PPCDC: variants seen among roughly 807,000 people sequenced by gnomAD.
PPCDC encodes the protein phosphopantothenoylcysteine decarboxylase.
In PPCDC, 20 loss-of-function variants were observed where a neutral mutation model predicts 20.7. That is an observed-to-expected ratio of 0.97 (90% CI 0.68 to 1.41). The LOEUF is 1.41. PPCDC is among the 40% of genes most tolerant of loss of function. The pLI is 0.00. For synonymous variants in PPCDC, 88 were observed against 100.3 expected, an observed-to-expected ratio of 0.88 and a Z score of 0.73; for missense variants, 246 against 263.8, an observed-to-expected ratio of 0.93 and a Z score of 0.47.
At chr15:75,036,085 G>A (rs577432935) in intron 2 of PPCDC, among the ~76,000 whole-genome samples, 3 of 152,136 alleles carry the variant, frequency 2.0e-5, no homozygotes, top group South Asian at 4.1e-4. Context: ...AATGCCCAGC[G>A]CTGCTTCTAC....
chr15:75,028,189 C>A, intron 1 of PPCDC, 58 bp from the exon 2 acceptor site: 1 of 1,262,804 alleles, frequency 7.9e-7, no homozygotes, highest in Non-Finnish European at 1.1e-6. Context: ...ATACGTGGTG[C>A]TCCATACATT....
intron 2 of PPCDC, among the ~76,000 whole-genome samples, chr15:75,040,651 T>C (rs1020539803): frequency 6.6e-6 from 1 of 152,004 alleles, no homozygotes; most frequent in African/African-American, 2.4e-5. Flanking sequence ...GCTTGCTTTT[T>C]ATTTTTTTAT....
intron 1 of PPCDC, among the ~76,000 whole-genome samples, chr15:75,026,243 T>C (rs2065958462): frequency 6.6e-6 from 1 of 152,142 alleles, no homozygotes; most frequent in Admixed American, 6.5e-5. Context: ...GGGTTTGCGA[T>C]CTGGCAGGTA....
intron 2 of PPCDC, among the ~76,000 whole-genome samples, chr15:75,028,829 C>T (rs930794249): frequency 2.0e-5 from 3 of 152,188 alleles, no homozygotes; most frequent in African/African-American, 7.2e-5. Context: ...CCCATCCCTG[C>T]TTTCATTCCG....
intron 2 of PPCDC, among the ~76,000 whole-genome samples, chr15:75,040,741 C>A (rs1314852622): frequency 6.6e-6 from 1 of 152,164 alleles, no homozygotes; most frequent in Non-Finnish European, 1.5e-5. Context: ...CTCACTGCAG[C>A]CTCTGCCTTC....
intron 2 of PPCDC, among the ~76,000 whole-genome samples, chr15:75,032,333 A>G (rs569364177): frequency 6.6e-6 from 1 of 152,296 alleles, no homozygotes; most frequent in South Asian, 2.1e-4. Context: ...GTCTGTCAGG[A>G]CATCCAGGTC....
chr15:75,040,013 A>G (rs1433543592), intron 2 of PPCDC, among the ~76,000 whole-genome samples: 2 of 151,644 alleles, frequency 1.3e-5, no homozygotes, highest in African/African-American at 4.8e-5. Context: ...CGACCTCCCC[A>G]CCTCAGGTGA....
At chr15:75,040,400 C>T (rs901455508) in intron 2 of PPCDC, among the ~76,000 whole-genome samples, 3 of 152,162 alleles carry the variant, frequency 2.0e-5, no homozygotes, top group African/African-American at 7.2e-5. Context: ...AATTACTTTA[C>T]TTTTATTTTA....
Position 75,044,495 on chromosome 15 carries a change from G to C in PPCDC, c.341G>C (p.Gly114Ala), listed in dbSNP as rs1251292703. 6.2e-7 allele frequency: 1 copy of C among 1,614,084 alleles called. No individual in the cohort carries two copies. The highest frequency in any genetic ancestry group is 8.5e-7 in the Non-Finnish European group (1 of 1,179,950). ...DANTLGKVAS[G>A]ICDNLLTCVM... ...AACACTCTGGGGAAGGTGGCCAGTG[G>C]CATCTGTGACAACTTGCTTGTGAGT... is the stretch of plus-strand genomic sequence containing the variant. Residue 114 changes from glycine (G) to alanine (A), a missense_variant, in exon 4 of 6, where the codon GGC becomes GCC. Around this residue, in one of 2 missense-constraint regions of PPCDC, gnomAD observed 225 missense variants for 222.6 expected, o/e 1.01. Coordinates refer to ENST00000342932, the MANE Select transcript of PPCDC (RefSeq NM_021823.5).
At chr15:75,028,598 C>G (rs1433718807) in intron 2 of PPCDC, 145 bp downstream of exon 2, 16 of 1,215,620 alleles carry the variant, frequency 1.3e-5, no homozygotes, top group Admixed American at 2.4e-5. Flanking sequence ...GTGTGTGGTG[C>G]TCTGTGGAGG....
At chr15:75,033,594 C>CT (rs937077511) in intron 2 of PPCDC, among the ~76,000 whole-genome samples, 32 of 140,290 alleles carry the variant, frequency 2.3e-4, no homozygotes, top group African/African-American at 4.2e-4. Context: ...TAAGTTTGTG[C>CT]TTTTTTTTTT....
chr15:75,043,347 C>T, intron 2 of PPCDC, 94 bp from the exon 3 acceptor site: 2 of 1,059,462 alleles, frequency 1.9e-6, no homozygotes, highest in Non-Finnish European at 2.8e-6. Context: ...GAAGACAGCA[C>T]CTGCCTGCCC....
chr15:75,031,878 G>A (rs898214918), intron 2 of PPCDC, among the ~76,000 whole-genome samples: 12 of 151,994 alleles, frequency 7.9e-5, no homozygotes, highest in South Asian at 2.1e-4. Flanking sequence ...GGGTGGTGGC[G>A]ACACAAGTTA....
At chr15:75,035,205 G>A (rs1333619339) in intron 2 of PPCDC, among the ~76,000 whole-genome samples, 1 of 152,034 alleles carries the variant, frequency 6.6e-6, no homozygotes, top group East Asian at 1.9e-4. Context: ...TCTCAACGGG[G>A]GTGATTTTCC....
At chr15:75,026,963 G>A (rs1049762047) in intron 1 of PPCDC, among the ~76,000 whole-genome samples, 5 of 152,070 alleles carry the variant, frequency 3.3e-5, no homozygotes, top group African/African-American at 9.7e-5. Flanking sequence ...CACAGGCTAG[G>A]TATCTGTCTT....
At chr15:75,041,113 A>C (rs2066148077) in intron 2 of PPCDC, among the ~76,000 whole-genome samples, 1 of 152,094 alleles carries the variant, frequency 6.6e-6, no homozygotes, top group African/African-American at 2.4e-5. Flanking sequence ...CCTCTTCTTT[A>C]CCTCATCACT....
At position 75,049,446 on chromosome 15, in the gene PPCDC, A is replaced by T; in HGVS notation, c.*211A>T. On this transcript the variant is annotated 3_prime_UTR_variant, in exon 6 of 6. Transcript: ENST00000342932. ...TCAACCAGGAGAGGCCGCTGCCTAG[A>T]GCCCCTCCCCACCTTTTCCTGGATG... is the stretch of plus-strand genomic sequence containing the variant. The T allele has an allele frequency of 1.7e-6, 1 of 571,954 alleles. No individual in the cohort carries two copies. The highest frequency in any genetic ancestry group is 3.1e-6 in the Non-Finnish European group (1 of 321,520). The allele number at this position is 571,954 out of a possible 1,614,324, so 35.4% of individuals were successfully genotyped here.
chr15:75,024,444 C>G (rs1401308361), intron 1 of PPCDC, among the ~76,000 whole-genome samples: 1 of 151,522 alleles, frequency 6.6e-6, no homozygotes, highest in East Asian at 1.9e-4. Flanking sequence ...ACCTCCTGGG[C>G]TCAAGGGATC....
chr15:75,049,182 G>A lies in PPCDC; in HGVS notation c.562G>A (p.Val188Met), dbSNP rs146346759. The A allele has an allele frequency of 3.7e-4, 597 of 1,614,216 alleles. 1 individual carries two copies. The highest frequency in any genetic ancestry group is 1.3e-3 in the Admixed American group (76 of 60,026). ...LGAMAEVGTIVDKVKEVLFQH... is the reference protein window; with the variant it reads ...LGAMAEVGTIMDKVKEVLFQH... ...GGCCATGGCTGAAGTGGGGACCATCGTGGACAAAGTGAAAGAAGTCCTCTT... is the reference window on the plus strand; with the variant it reads ...GGCCATGGCTGAAGTGGGGACCATCATGGACAAAGTGAAAGAAGTCCTCTT... The change falls in exon 6 of 6, where the codon GTG (valine) becomes ATG (methionine). Residue 188 changes from valine to methionine, a missense_variant. Coordinates refer to ENST00000342932, the MANE Select transcript of PPCDC (RefSeq NM_021823.5).
Sources: allele counts gnomAD v4.1 joint callset (sites outside exome capture counted in the v4.1 genomes callset), GRCh38; gene constraint gnomAD v4.1.1; regional missense constraint gnomAD v4.1.1; transcripts MANE v1.5; gene names NCBI Gene and HGNC (gene_info 2026-07-23, HGNC 2026-07-21).